RCOR3: variants seen among roughly 807,000 people sequenced by gnomAD.
RCOR3 encodes REST corepressor 3.
RCOR3 carries 13 observed loss-of-function variants against 64.1 expected under a neutral mutation model. The ratio of observed to expected loss-of-function variants is 0.20; its 90% CI spans 0.13 to 0.32. RCOR3 has a LOEUF of 0.32. RCOR3 is among the 10% of genes least tolerant of loss of function. The pLI is 1.00. For missense variants in RCOR3, 489 were observed against 701.2 expected, an observed-to-expected ratio of 0.70 and a Z score of 3.42; for synonymous variants, 215 against 239.0, an observed-to-expected ratio of 0.90 and a Z score of 0.93.
intron 5 of RCOR3, 38 bp downstream of exon 5, chr1:211,276,456 A>G: frequency 6.4e-7 from 1 of 1,550,814 alleles, no homozygotes; most frequent in Non-Finnish European, 8.8e-7. Flanking sequence ...TCATATGTGA[A>G]TGATATCTTA....
At chr1:211,310,014 A>G (rs1701324444) in intron 10 of RCOR3, among the ~76,000 whole-genome samples, 1 of 152,196 alleles carries the variant, frequency 6.6e-6, no homozygotes, top group Non-Finnish European at 1.5e-5. Context: ...ATTCAGCCAT[A>G]TATATCTAAT....
intron 6 of RCOR3, 146 bp downstream of exon 6, chr1:211,278,387 G>A (rs1697312161): frequency 2.2e-6 from 2 of 890,860 alleles, no homozygotes; most frequent in Admixed American, 2.8e-5. Flanking sequence ...GAAGAGCCAA[G>A]TGGTTAGAAG....
intron 2 of RCOR3, among the ~76,000 whole-genome samples, chr1:211,265,904 A>G (rs1385357948): frequency 6.6e-6 from 1 of 152,080 alleles, no homozygotes; most frequent in East Asian, 1.9e-4. Flanking sequence ...GAGGGTTTAA[A>G]ATTTTGGGCC....
Position 211,313,032 on chromosome 1 carries a change from T to C in RCOR3, c.1317+71T>C. On this transcript the variant is annotated intron_variant, in intron 11 of 11. Coordinates refer to ENST00000419091, the MANE Select transcript of RCOR3 (RefSeq NM_001136223.3). This position sits in a 1 kb window ranked among gnomAD's most constrained non-coding sequence, Gnocchi z 4.7. ...CCATTTTGTGTGGTATTCTGTAAGG[T>C]TAATTTGTCAAGAGGACTAGCTAAA... The C allele has an allele frequency of 6.2e-7, 1 of 1,605,342 alleles. No homozygotes were observed. The highest frequency in any genetic ancestry group is 8.5e-7 in the Non-Finnish European group (1 of 1,174,610).
At position 211,285,465 on chromosome 1, in the gene RCOR3, G is replaced by A. The variant is rs146474488; in HGVS notation, c.721-3713G>A. On this transcript the variant is annotated intron_variant, in intron 7 of 11. Transcript: ENST00000419091. ...GGAAGCACTAAGTGGAAACTACTCA[G>A]CTGTTTCTGGCCTAGCCTTGAAAGT... 2.5e-3 allele frequency among the ~76,000 whole-genome samples: 377 copies of A among 152,282 alleles called. 2 individuals carry two copies. The highest frequency in any genetic ancestry group is 8.7e-3 in the African/African-American group (360 of 41,568).
chr1:211,301,994 C>A (rs1420471162), intron 9 of RCOR3: 1 of 152,136 alleles, frequency 6.6e-6, no homozygotes, highest in Non-Finnish European at 1.5e-5. Flanking sequence ...TATATTTAAT[C>A]CTTAGAGCAA....
At chr1:211,290,155 G>T (rs1005021526) in intron 8 of RCOR3, among the ~76,000 whole-genome samples, 2 of 152,006 alleles carry the variant, frequency 1.3e-5, no homozygotes, top group Non-Finnish European at 2.9e-5. Flanking sequence ...CTTAAATCTA[G>T]ATATTCTTCT....
At chr1:211,308,766 C>T (rs1326390286) in intron 10 of RCOR3, among the ~76,000 whole-genome samples, 1 of 89,514 alleles carries the variant, frequency 1.1e-5, no homozygotes, top group East Asian at 4.3e-4. Context: ...GGCTGGAGCA[C>T]AGTGTCAGTA....
chr1:211,305,200 C>T (rs952329164), intron 10 of RCOR3, among the ~76,000 whole-genome samples: 4 of 152,124 alleles, frequency 2.6e-5, no homozygotes, highest in Admixed American at 2.0e-4. Flanking sequence ...AGGAGGGTGC[C>T]AGCAGGATGA....
chr1:211,292,968 C>A (rs562008341), intron 8 of RCOR3, among the ~76,000 whole-genome samples: 41 of 152,114 alleles, frequency 2.7e-4, no homozygotes, highest in African/African-American at 8.9e-4. Flanking sequence ...CCTGTAATCC[C>A]AGCTACTCAG....
chr1:211,287,974 C>T (rs1698756309), intron 7 of RCOR3, among the ~76,000 whole-genome samples: 1 of 151,822 alleles, frequency 6.6e-6, no homozygotes, highest in African/African-American at 2.4e-5. Context: ...CTTTGAGAGC[C>T]CAAGGTAGGC....
chr1:211,309,281 T>A (rs541049410), intron 10 of RCOR3, among the ~76,000 whole-genome samples: 2 of 152,294 alleles, frequency 1.3e-5, no homozygotes, highest in East Asian at 3.9e-4. Context: ...AATAAAAATA[T>A]CTTTAGCAAG....
At position 211,314,221 on chromosome 1, in the gene RCOR3, A is replaced by G. The variant is rs1701750803; in HGVS notation, c.*453A>G. 6.5e-6 allele frequency: 1 copy of G among 153,094 alleles called. No individual in the cohort carries two copies. Among genetic ancestry groups the G allele is most frequent in the Non-Finnish European group, 1.5e-5 (1 of 68,806 alleles). The allele number at this position is 153,094 out of a possible 1,614,324, so 9.5% of individuals were successfully genotyped here. ...TTTTTTCTTTAATTTTTTAAAAACC[A>G]TTTTCCTATGTTAGGAGTGCAAGAA... On this transcript the variant is annotated 3_prime_UTR_variant, in exon 12 of 12. Transcript: ENST00000419091.
chr1:211,260,616 G>C (rs895182096), intron 2 of RCOR3, among the ~76,000 whole-genome samples: 1 of 152,348 alleles, frequency 6.6e-6, no homozygotes, highest in South Asian at 2.1e-4. Context: ...GTCACCGGCC[G>C]GGGAAGCCAA....
At chr1:211,280,083 A>G (rs781529206) in intron 7 of RCOR3, among the ~76,000 whole-genome samples, 1 of 152,216 alleles carries the variant, frequency 6.6e-6, no homozygotes, top group East Asian at 1.9e-4. Flanking sequence ...CAAAGAGGTA[A>G]TATGTATAAA....
Position 211,286,556 on chromosome 1 carries a change from C to G in RCOR3, c.721-2622C>G, listed in dbSNP as rs1465689661. Among the ~76,000 whole-genome samples, 5 of 152,274 alleles carry G rather than the reference C, an allele frequency of 3.3e-5. No individual in the cohort carries two copies. The South Asian group carries it at 8.3e-4, about 25-fold the overall frequency. On this transcript the variant is annotated intron_variant, in intron 7 of 11. Transcript: ENST00000419091. ...TCTCCTGACCTCGTGATCCGCCCCC[C>G]TCGGCCTCCCAAAATGCTGGGATTA...
intron 5 of RCOR3, among the ~76,000 whole-genome samples, chr1:211,277,492 A>G (rs1259288840): frequency 1.3e-5 from 2 of 152,212 alleles, no homozygotes; most frequent in Non-Finnish European, 2.9e-5. Flanking sequence ...AAACAAAGTT[A>G]TTCAGAAAAA....
chr1:211,313,240 G>A lies in RCOR3; in HGVS notation c.1318-184G>A. The A allele has an allele frequency of 1.4e-6, 2 of 1,429,488 alleles. No homozygotes were observed. Among genetic ancestry groups the A allele is most frequent in the South Asian group, 3.1e-5 (2 of 63,662 alleles). 88.6% of individuals were successfully genotyped at this position (1,429,488 alleles called of 1,614,324 possible). On this transcript the variant is annotated intron_variant, in intron 11 of 11. Coordinates refer to ENST00000419091, the MANE Select transcript of RCOR3 (RefSeq NM_001136223.3). This position sits in a 1 kb window ranked among gnomAD's most constrained non-coding sequence, Gnocchi z 4.7. ...AAGATGCCTGTTTGGTAGCCTCATT[G>A]GTTTTTGGTTTTTGGTTTTGTTTTG...
At chr1:211,290,847 C>T (rs1699162930) in intron 8 of RCOR3, among the ~76,000 whole-genome samples, 1 of 152,110 alleles carries the variant, frequency 6.6e-6, no homozygotes. Flanking sequence ...ATAAGAAAAT[C>T]ATGTTAAGAA....
Sources: gnomAD v4.1 joint callset for allele counts (sites outside exome capture counted in the v4.1 genomes callset) on GRCh38, gnomAD v4.1.1 for gene constraint, Gnocchi (gnomAD v3.1) non-coding constraint, MANE v1.5 for transcripts, NCBI Gene and HGNC (gene_info 2026-07-23, HGNC 2026-07-21) for gene names.